SLC7A8: variants seen among roughly 807,000 people sequenced by gnomAD.
SLC7A8 encodes the protein solute carrier family 7 member 8, also known as large neutral amino acids transporter small subunit 2.
Under a neutral mutation model 51.2 loss-of-function variants are expected in SLC7A8, and 30 were observed. The observed-to-expected ratio is 0.59, with a 90% CI of 0.44 to 0.80. SLC7A8 has a LOEUF of 0.80. SLC7A8 is among the 30% of genes least tolerant of loss of function. SLC7A8 has a pLI of 0.00. For missense variants in SLC7A8, 612 were observed against 674.4 expected (o/e 0.91, Z 1.03); for synonymous variants, 257 against 275.8 (o/e 0.93, Z 0.67).
chr14:23,161,665 C>G (rs150451398), intron 3 of SLC7A8, among the ~76,000 whole-genome samples: 1 of 152,012 alleles, frequency 6.6e-6, no homozygotes, highest in Admixed American at 6.6e-5. Context: ...GTCTACCAGT[C>G]GGGCGCAGTG....
chr14:23,145,069 C>T (rs577007842), intron 3 of SLC7A8, among the ~76,000 whole-genome samples: 311 of 151,436 alleles, frequency 2.1e-3, no homozygotes, highest in Non-Finnish European at 3.3e-3. Context: ...TACAGGCGCC[C>T]GCCACCACAC....
intron 3 of SLC7A8, among the ~76,000 whole-genome samples, chr14:23,161,382 A>G (rs1380560774): frequency 6.6e-6 from 1 of 151,864 alleles, no homozygotes; most frequent in African/African-American, 2.4e-5. Context: ...ACCTCTCCAC[A>G]GAGGGTGGCC....
intron 7 of SLC7A8, among the ~76,000 whole-genome samples, chr14:23,132,707 T>A (rs542729337): frequency 6.6e-6 from 1 of 151,382 alleles, no homozygotes; most frequent in Non-Finnish European, 1.5e-5. Context: ...ACGATCTTGG[T>A]TCACCGCAAC....
At chr14:23,148,761 G>A (rs1228270284) in intron 3 of SLC7A8, among the ~76,000 whole-genome samples, 1 of 152,196 alleles carries the variant, frequency 6.6e-6, no homozygotes, top group Non-Finnish European at 1.5e-5. Flanking sequence ...AGCTAGAAAA[G>A]GCAAGGAATT....
At chr14:23,140,087 C>G (rs1439030440) in intron 5 of SLC7A8, among the ~76,000 whole-genome samples, 2 of 152,160 alleles carry the variant, frequency 1.3e-5, no homozygotes, top group Non-Finnish European at 2.9e-5. Flanking sequence ...ACGCTCCACA[C>G]CTGTTGATCT....
intron 1 of SLC7A8, among the ~76,000 whole-genome samples, chr14:23,178,415 T>C (rs1465974734): frequency 6.6e-6 from 1 of 152,180 alleles, no homozygotes; most frequent in African/African-American, 2.4e-5. Context: ...TGGGCCAACC[T>C]AATTGTCCAG....
At chr14:23,179,906 CTTT>C (rs33938109) in intron 1 of SLC7A8, among the ~76,000 whole-genome samples, 6 of 131,120 alleles carry the variant, frequency 4.6e-5, no homozygotes, top group East Asian at 2.2e-4. Flanking sequence ...CTCTTTTTGA[CTTT>C]TTTTTTTTTT....
At chr14:23,152,014 C>A (rs2140324761) in intron 3 of SLC7A8, among the ~76,000 whole-genome samples, 1 of 152,212 alleles carries the variant, frequency 6.6e-6, no homozygotes, top group South Asian at 2.1e-4. Flanking sequence ...TGCACTCCAG[C>A]CTGGGTGACA....
At chr14:23,139,325 T>C (rs2048719881) in intron 6 of SLC7A8, 99 bp downstream of exon 6, 2 of 1,577,838 alleles carry the variant, frequency 1.3e-6, no homozygotes, top group Admixed American at 1.7e-5. Context: ...TGATTTCCAC[T>C]TCCACAAGGC....
At chr14:23,152,042 A>G (rs2048851856) in intron 3 of SLC7A8, among the ~76,000 whole-genome samples, 1 of 151,842 alleles carries the variant, frequency 6.6e-6, no homozygotes, top group African/African-American at 2.4e-5. Context: ...CACCTCAAAC[A>G]AAACAAAACA....
Position 23,143,069 on chromosome 14 carries a change from C to T in SLC7A8, c.634+10G>A, listed in dbSNP as rs35329117. The T allele has an allele frequency of 1.7e-3, 2,723 of 1,613,300 alleles. 5 individuals are homozygous for T. Among genetic ancestry groups the T allele is most frequent in the Non-Finnish European group, 2.1e-3 (2,431 of 1,179,406 alleles). On this transcript the variant is annotated intron_variant, in intron 4 of 10. Transcript: ENST00000316902. ...AGCTGGGCAGTACCTGTTTTTCCTG[C>T]GATACTCACCTTTGCATATCTGTAC...
intron 1 of SLC7A8, among the ~76,000 whole-genome samples, chr14:23,182,326 T>C (rs1877217910): frequency 6.6e-6 from 1 of 152,170 alleles, no homozygotes. Context: ...ATAGTTTCAT[T>C]TAACATAAAA....
intron 3 of SLC7A8, among the ~76,000 whole-genome samples, chr14:23,155,718 C>T (rs1314437876): frequency 2.6e-5 from 4 of 151,982 alleles, no homozygotes; most frequent in Non-Finnish European, 5.9e-5. Flanking sequence ...CTGATGTCCC[C>T]CGAGACATGG....
At chr14:23,157,536 G>A (rs4982735) in intron 3 of SLC7A8, among the ~76,000 whole-genome samples, 1 of 152,106 alleles carries the variant, frequency 6.6e-6, no homozygotes, top group African/African-American at 2.4e-5. Flanking sequence ...GGCTTTTCAT[G>A]ATGGGGTCCT....
intron 7 of SLC7A8, among the ~76,000 whole-genome samples, chr14:23,135,127 G>C (rs1157446161): frequency 6.6e-6 from 1 of 151,694 alleles, no homozygotes; most frequent in Non-Finnish European, 1.5e-5. Context: ...TTGCTCTGTT[G>C]CCCAGGCTGG....
At chr14:23,153,630 T>C (rs1470924963) in intron 3 of SLC7A8, among the ~76,000 whole-genome samples, 1 of 152,164 alleles carries the variant, frequency 6.6e-6, no homozygotes, top group African/African-American at 2.4e-5. Flanking sequence ...GGTGCATCCA[T>C]TGCTCCCAGG....
chr14:23,131,674 C>T lies in SLC7A8; in HGVS notation c.1017-117G>A, dbSNP rs74474426. On this transcript the variant is annotated intron_variant, in intron 7 of 10. Coordinates refer to ENST00000316902, the MANE Select transcript of SLC7A8 (RefSeq NM_012244.4). ...GGCATCCCCACTCCAACCAGGCACCCGCCTTCACATGCATACTTTCCACCC... is the reference window on the plus strand; with the variant it reads ...GGCATCCCCACTCCAACCAGGCACCTGCCTTCACATGCATACTTTCCACCC... 3.7e-3 allele frequency: 2,454 copies of T among 666,324 alleles called. 39 individuals carry two copies. In the African/African-American group the frequency reaches 0.038, roughly 10 times the overall value. 41.3% of individuals were successfully genotyped at this position (666,324 alleles called of 1,614,324 possible).
intron 3 of SLC7A8, 65 bp from the exon 4 acceptor site, chr14:23,143,269 C>T: frequency 1.3e-6 from 2 of 1,595,490 alleles, no homozygotes; most frequent in African/African-American, 1.3e-5. Flanking sequence ...GCCCAAGGCA[C>T]ACAAGCAGAA....
chr14:23,135,758 G>A lies in SLC7A8; in HGVS notation c.1016+2163C>T, dbSNP rs915661366. Among the ~76,000 whole-genome samples the A allele has an allele frequency of 2.4e-4, 37 of 152,030 alleles. 2 individuals are homozygous for A. The highest frequency in any genetic ancestry group is 2.2e-3 in the Admixed American group (33 of 15,276). On this transcript the variant is annotated intron_variant, in intron 7 of 10. Coordinates refer to ENST00000316902, the MANE Select transcript of SLC7A8 (RefSeq NM_012244.4). ...TTGAATGTTCCTAGCATAAAGAAAA[G>A]ACAATATTGAAGGAGATGGGATATC...
Sources: allele counts gnomAD v4.1 joint callset (sites outside exome capture counted in the v4.1 genomes callset), GRCh38; gene constraint gnomAD v4.1.1; transcripts MANE v1.5; gene names NCBI Gene and HGNC (gene_info 2026-07-23, HGNC 2026-07-21).